TWNK: variants seen among roughly 807,000 people sequenced by gnomAD.
TWNK encodes the protein twinkle mtDNA helicase.
In TWNK, 36 loss-of-function variants were observed where a neutral mutation model predicts 58.2. The observed-to-expected ratio is 0.62, with a 90% CI of 0.47 to 0.82. TWNK has a LOEUF of 0.82. Ranked by LOEUF, TWNK falls within the 40% of genes least tolerant of loss-of-function variation. TWNK has a pLI of 0.00. For missense variants in TWNK, 714 were observed against 881.0 expected (o/e 0.81, Z 2.40); for synonymous variants, 349 against 348.5 (o/e 1.00, Z -0.02).
At position 100,989,582 on chromosome 10, in the gene TWNK, C is replaced by A. The variant is rs1851709786; in HGVS notation, c.1244-62C>A. 2 of 1,612,370 alleles carry A rather than the reference C, an allele frequency of 1.2e-6. No homozygotes were observed. The highest frequency in any genetic ancestry group is 2.2e-5 in the South Asian group (2 of 90,846). On this transcript the variant is annotated intron_variant, in intron 1 of 4. Coordinates refer to ENST00000311916, the MANE Select transcript of TWNK (RefSeq NM_021830.5). The surrounding 1 kb of genome is among the most constrained non-coding windows in gnomAD (Gnocchi z 7.6). The stretch of plus-strand genomic sequence containing the variant: ...TTCCCCCCAGTTTTAAAGCCCTGAC[C>A]TATGTCTTGGTTTCAAGGGTAGGAC...
Position 100,989,983 on chromosome 10 carries a change from C to G in TWNK, c.1484+99C>G. 2 of 1,497,798 alleles carry G rather than the reference C, an allele frequency of 1.3e-6. No homozygotes were observed. The highest frequency in any genetic ancestry group is 1.9e-6 in the Non-Finnish European group (2 of 1,077,128). 92.8% of individuals were successfully genotyped at this position (1,497,798 alleles called of 1,614,324 possible). ...CCAGCTCCAGTAGGAACTCCCCCAT[C>G]TCCTTAGGTTTGGAGTTTTTCAAAG... On this transcript the variant is annotated intron_variant, in intron 2 of 4. Coordinates refer to ENST00000311916, the MANE Select transcript of TWNK (RefSeq NM_021830.5). This position sits in a 1 kb window ranked among gnomAD's most constrained non-coding sequence, Gnocchi z 7.6.
At position 100,990,905 on chromosome 10, in the gene TWNK, G is replaced by T; in HGVS notation, c.1629G>T (p.Arg543=). ...AAGACTACATCATCGGGGTCTTTCG[G>T]AAGTTTGCAACAGACAATAACTGCC... ...AAQDYIIGVF[R]KFATDNNCHV... The change falls in exon 4 of 5, where the codon CGG becomes CGT. Residue 543 remains arginine, a synonymous_variant. Coordinates refer to ENST00000311916, the MANE Select transcript of TWNK (RefSeq NM_021830.5). 1 of 1,614,236 alleles carries T rather than the reference G, an allele frequency of 6.2e-7. No homozygotes were observed. Among genetic ancestry groups the T allele is most frequent in the Non-Finnish European group, 8.5e-7 (1 of 1,180,050 alleles).
chr10:100,993,016 G>C (rs562154646), intron 4 of TWNK, among the ~76,000 whole-genome samples, 174 bp from the exon 5 acceptor site: 22 of 152,242 alleles, frequency 1.4e-4, no homozygotes, highest in Non-Finnish European at 2.4e-4. Flanking sequence ...TTGATTTCCT[G>C]ACATCGTGAT....
At position 100,988,150 on chromosome 10, in the gene TWNK, A is replaced by G; in HGVS notation, c.-61A>G. 1 of 1,590,924 alleles carries G rather than the reference A, an allele frequency of 6.3e-7. No homozygotes were observed. Among genetic ancestry groups the G allele is most frequent in the East Asian group, 2.2e-5 (1 of 44,760 alleles). On this transcript the variant is annotated 5_prime_UTR_variant, in exon 1 of 5. Transcript: ENST00000311916. This position sits in a 1 kb window ranked among gnomAD's most constrained non-coding sequence, Gnocchi z 5.2. Reference sequence around the variant, plus strand: ...GATATCCCTAGAGTTTGGTCTAGTGAAGGCACGCTAACCAGGCACCTAAGG... The same window carrying G: ...GATATCCCTAGAGTTTGGTCTAGTGGAGGCACGCTAACCAGGCACCTAAGG...
Position 100,989,035 on chromosome 10 carries a change from C to T in TWNK, c.825C>T (p.Ser275=). The change falls in exon 1 of 5, where the codon TCC becomes TCT. Residue 275 remains serine (S), a synonymous_variant. Coordinates refer to ENST00000311916, the MANE Select transcript of TWNK (RefSeq NM_021830.5). This position sits in a 1 kb window ranked among gnomAD's most constrained non-coding sequence, Gnocchi z 7.6. ...RELDSLALNQ[S]TGLPTLTLPR... ...TTGACAGCCTGGCCTTGAACCAGTC[C>T]ACGGGGCTGCCTACCCTTACTCTAC... 4 of 1,614,148 alleles carry T rather than the reference C, an allele frequency of 2.5e-6. No individual in the cohort carries two copies. Among genetic ancestry groups the T allele is most frequent in the South Asian group, 2.2e-5 (2 of 91,086 alleles).
At position 100,988,143 on chromosome 10, in the gene TWNK, T is replaced by C; in HGVS notation, c.-68T>C. ...TGCGTGGGATATCCCTAGAGTTTGGTCTAGTGAAGGCACGCTAACCAGGCA... is the reference window on the plus strand; with the variant it reads ...TGCGTGGGATATCCCTAGAGTTTGGCCTAGTGAAGGCACGCTAACCAGGCA... On this transcript the variant is annotated 5_prime_UTR_variant, in exon 1 of 5. Coordinates refer to ENST00000311916, the MANE Select transcript of TWNK (RefSeq NM_021830.5). The surrounding 1 kb of genome is among the most constrained non-coding windows in gnomAD (Gnocchi z 5.2). 2 of 1,566,128 alleles carry C rather than the reference T, an allele frequency of 1.3e-6. No individual in the cohort carries two copies. Among genetic ancestry groups the C allele is most frequent in the Non-Finnish European group, 1.8e-6 (2 of 1,138,402 alleles).
rs915248538 is a variant in TWNK, at chr10:100,988,332, G to A, written c.122G>A (p.Arg41Lys). The change falls in exon 1 of 5, where the codon AGG becomes AAG. Residue 41 changes from arginine to lysine, a missense_variant. Coordinates refer to ENST00000311916, the MANE Select transcript of TWNK (RefSeq NM_021830.5). This position sits in a 1 kb window ranked among gnomAD's most constrained non-coding sequence, Gnocchi z 5.2. ...CCAGGCCCTCCTCGCAGACGTTACA[G>A]GAAGGAGACTCTCCAAGCCTTGGAT... ...LAPGPPRRRY[R>K]KETLQALDMP... The A allele has an allele frequency of 6.2e-6, 10 of 1,614,140 alleles. No homozygotes were observed. In the Admixed American group the frequency reaches 1.3e-4, roughly 22 times the overall value.
chr10:100,991,736 G>A (rs933344614), intron 4 of TWNK, among the ~76,000 whole-genome samples: 4 of 152,154 alleles, frequency 2.6e-5, no homozygotes, highest in African/African-American at 9.6e-5. Context: ...AAATTGGCCA[G>A]GCGTGGTGGC....
Position 100,988,956 on chromosome 10 carries a change from G to A in TWNK, c.746G>A (p.Gly249Glu). Reference protein sequence around the residue: ...PRPSAYHNLFGLPLISRRDAE... With the variant: ...PRPSAYHNLFELPLISRRDAE... ...CCCAGCGCCTACCACAATCTGTTTG[G>A]ATTACCACTGATTAGTCGTCGAGAT... is the stretch of plus-strand genomic sequence containing the variant. The change falls in exon 1 of 5, where the codon GGA becomes GAA. Residue 249 changes from glycine (G) to glutamate (E), a missense_variant. Gly to Glu is a moderately conservative substitution (Grantham distance 98, BLOSUM62 -2). Coordinates refer to ENST00000311916, the MANE Select transcript of TWNK (RefSeq NM_021830.5). The surrounding 1 kb of genome is among the most constrained non-coding windows in gnomAD (Gnocchi z 5.2). 3 of 1,614,154 alleles carry A rather than the reference G, an allele frequency of 1.9e-6. No individual in the cohort carries two copies. Among genetic ancestry groups the A allele is most frequent in the Non-Finnish European group, 2.5e-6 (3 of 1,180,026 alleles).
rs1851850715 is a variant in TWNK at position 100,993,758 on chromosome 10, G to A, written c.*248G>A. On this transcript the variant is annotated 3_prime_UTR_variant, in exon 5 of 5. Coordinates refer to ENST00000311916, the MANE Select transcript of TWNK (RefSeq NM_021830.5). ...GAAAAGAGAGATAAAGTCCCTGCCT[G>A]CATGCATTCTGGCGGAAGAGACAAG... 1 of 542,500 alleles carries A rather than the reference G, an allele frequency of 1.8e-6. No individual in the cohort carries two copies. The highest frequency in any genetic ancestry group is 3.3e-6 in the Non-Finnish European group (1 of 304,984). 33.6% of individuals were successfully genotyped at this position (542,500 alleles called of 1,614,324 possible). A position where few individuals can be genotyped will look rare whatever the true frequency, so the allele number is the denominator to read the frequency against.
intron 4 of TWNK, among the ~76,000 whole-genome samples, chr10:100,991,917 G>T (rs1851784596): frequency 6.6e-6 from 1 of 151,684 alleles, no homozygotes; most frequent in South Asian, 2.1e-4. Context: ...CTACTTGGGA[G>T]GCTGAGGCAG....
rs1004255982 is a variant in TWNK at position 100,991,263 on chromosome 10, T to C, written c.1734+253T>C. The C allele has an allele frequency of 5.3e-6, 3 of 567,768 alleles. No individual in the cohort carries two copies. In the African/African-American group the frequency reaches 5.6e-5, roughly 11 times the overall value. The allele number at this position is 567,768 out of a possible 1,614,324, so 35.2% of individuals were successfully genotyped here. On this transcript the variant is annotated intron_variant, in intron 4 of 4. Coordinates refer to ENST00000311916, the MANE Select transcript of TWNK (RefSeq NM_021830.5). ...CAGTAAGACAGTGATTGCAATTCAG[T>C]ATGATAAGAGTATGATAGGCAGCAC...
Position 100,993,637 on chromosome 10 carries a change from G to GAGC in TWNK, c.*130_*132dup. On this transcript the variant is annotated 3_prime_UTR_variant, in exon 5 of 5. Coordinates refer to ENST00000311916, the MANE Select transcript of TWNK (RefSeq NM_021830.5). ...TTCTCAGTCTGAGGGGCCTAACCTA[G>GAGC]AGCAGGTTTCCATAGTGAGAAAATT... 9.4e-7 allele frequency: 1 copy of GAGC among 1,058,576 alleles called. No homozygotes were observed. Among genetic ancestry groups the GAGC allele is most frequent in the Admixed American group, 2.1e-5 (1 of 47,352 alleles). The allele number at this position is 1,058,576 out of a possible 1,614,324, so 65.6% of individuals were successfully genotyped here.
At chr10:100,990,371 C>G in intron 2 of TWNK, 65 bp from the exon 3 acceptor site, 1 of 1,142,508 alleles carries the variant, frequency 8.8e-7, no homozygotes, top group Non-Finnish European at 1.3e-6. Context: ...TTTCAGGATG[C>G]TAGTTCTTCT....
At chr10:100,992,453 G>A (rs1333241435) in intron 4 of TWNK, among the ~76,000 whole-genome samples, 1 of 144,688 alleles carries the variant, frequency 6.9e-6, no homozygotes, top group East Asian at 2.0e-4. Flanking sequence ...CTGACCTCAT[G>A]ATCCGTCCGC....
chr10:100,989,034 C>G lies in TWNK; in HGVS notation c.824C>G (p.Ser275Cys). 6.2e-7 allele frequency: 1 copy of G among 1,614,172 alleles called. No homozygotes were observed. The highest frequency in any genetic ancestry group is 1.1e-5 in the South Asian group (1 of 91,084). ...CTTGACAGCCTGGCCTTGAACCAGT[C>G]CACGGGGCTGCCTACCCTTACTCTA... ...RELDSLALNQ[S>C]TGLPTLTLPR... The change falls in exon 1 of 5, where the codon TCC becomes TGC. Residue 275 changes from serine (S) to cysteine (C), a missense_variant. This residue lies in a region of TWNK where 348 missense variants were observed against 388.4 expected (regional missense o/e 0.90). Transcript: ENST00000311916. This position sits in a 1 kb window ranked among gnomAD's most constrained non-coding sequence, Gnocchi z 7.6.
At chr10:100,990,290 G>A (rs1450562359) in intron 2 of TWNK, 146 bp from the exon 3 acceptor site, 3 of 752,096 alleles carry the variant, frequency 4.0e-6, no homozygotes, top group Non-Finnish European at 7.1e-6. Context: ...TCCAGCCTGG[G>A]CTACAGAGCA....
At position 100,993,258 on chromosome 10, in the gene TWNK, G is replaced by C; in HGVS notation, c.1803G>C (p.Arg601=). 6.2e-7 allele frequency: 1 copy of C among 1,614,210 alleles called. No homozygotes were observed. Among genetic ancestry groups the C allele is most frequent in the Non-Finnish European group, 8.5e-7 (1 of 1,180,044 alleles). ...DRKLVTGPGK[R]YLQVSKNRFD... ...AGCTGGTAACCGGGCCAGGGAAACG[G>C]TATCTGCAGGTGTCCAAGAACCGCT... Residue 601 remains arginine, a synonymous_variant, in exon 5 of 5, where the codon CGG becomes CGC. Transcript: ENST00000311916.
chr10:100,990,379 T>A, intron 2 of TWNK, 57 bp from the exon 3 acceptor site: 1 of 1,260,808 alleles, frequency 7.9e-7, no homozygotes, highest in Non-Finnish European at 1.2e-6. Flanking sequence ...TGCTAGTTCT[T>A]CTGCCTGGGG....
Sources: gnomAD v4.1 joint callset for allele counts (sites outside exome capture counted in the v4.1 genomes callset) on GRCh38, gnomAD v4.1.1 for gene constraint, gnomAD v4.1.1 regional missense constraint, Gnocchi (gnomAD v3.1) non-coding constraint, MANE v1.5 for transcripts, NCBI Gene and HGNC (gene_info 2026-07-23, HGNC 2026-07-21) for gene names.